The following TNS1 variants were observed in gnomAD, a reference collection of about 807,000 sequenced individuals.
TNS1 encodes tensin-1.
In TNS1, 62 loss-of-function variants were observed where a neutral mutation model predicts 168.6. The observed-to-expected ratio is 0.37, with a 90% confidence interval of 0.30 to 0.45. The LOEUF is 0.45. Among genes scored for constraint, TNS1 ranks in the 20% least tolerant of loss-of-function variants. The pLI is 1.00. For synonymous variants in TNS1, 934 were observed against 933.2 expected (o/e 1.00, Z -0.02); for missense variants, 2,240 against 2,339.4 (o/e 0.96, Z 0.88).
intron 3 of TNS1, among the ~76,000 whole-genome samples, chr2:217,941,782 C>G (rs1030081822): frequency 1.3e-5 from 2 of 152,226 alleles, no homozygotes; most frequent in African/African-American, 4.8e-5. Context: ...AGCCCATCCT[C>G]CTGCTGACCC....
chr2:217,972,823 A>G (rs922257491), intron 3 of TNS1, among the ~76,000 whole-genome samples: 1 of 152,242 alleles, frequency 6.6e-6, no homozygotes, highest in East Asian at 1.9e-4. Flanking sequence ...AGCATTTTTC[A>G]AAATGTATCC....
chr2:217,925,582 G>C (rs1047961374), intron 3 of TNS1, among the ~76,000 whole-genome samples: 2 of 152,188 alleles, frequency 1.3e-5, no homozygotes, highest in African/African-American at 4.8e-5. Context: ...TTTCATATAA[G>C]ACTGAGTGGA....
chr2:217,925,700 A>T (rs563992260), intron 3 of TNS1, among the ~76,000 whole-genome samples: 15 of 152,356 alleles, frequency 9.8e-5, no homozygotes, highest in African/African-American at 3.6e-4. Context: ...ATTCGGTGGC[A>T]TTAAGTACAT....
At chr2:217,837,201 G>C (rs1945287310) in intron 19 of TNS1, among the ~76,000 whole-genome samples, 1 of 151,976 alleles carries the variant, frequency 6.6e-6, no homozygotes, top group Admixed American at 6.5e-5. Context: ...AGGTCACATG[G>C]GTCAGCGTGT....
chr2:217,999,482 T>C (rs1663486084), intron 1 of TNS1, among the ~76,000 whole-genome samples: 1 of 152,230 alleles, frequency 6.6e-6, no homozygotes, highest in Admixed American at 6.5e-5. Flanking sequence ...TCGGCCAGCA[T>C]GCTACACTTC....
chr2:217,900,510 GC>G lies in TNS1; in HGVS notation c.323del (p.Gly108AlafsTer19), dbSNP rs1401177103. 6.5e-7 allele frequency: 1 copy of G among 1,535,696 alleles called. No individual in the cohort carries two copies. Among genetic ancestry groups the G allele is most frequent in the Non-Finnish European group, 8.7e-7 (1 of 1,146,716 alleles). Reference sequence around the variant, plus strand: ...GGACACTCGGGGTGACCCTGGTGGAGCCCTGGGAAGGAGAGAAGAGAAGCAG... The same window carrying G: ...GGACACTCGGGGTGACCCTGGTGGAGCCTGGGAAGGAGAGAAGAGAAGCAG... Reference protein sequence around the residue: ...GNTRKSLEDNGSTRVTPSVQP... With the variant: ...GNTRKSLEDNXSTRVTPSVQP... On this transcript the variant is annotated frameshift_variant and splice_region_variant, in exon 7 of 33. Transcript: ENST00000682258. LOFTEE classifies it high-confidence loss of function.
chr2:217,882,427 GA>G lies in TNS1; in HGVS notation c.1247-17del. The G allele has an allele frequency of 6.4e-7, 1 of 1,573,166 alleles. No homozygotes were observed. The highest frequency in any genetic ancestry group is 8.6e-7 in the Non-Finnish European group (1 of 1,163,554). ...AATCGATCATCTGGAAAAAGAGAAG[GA>G]AAAATAAAAATAGGCAAAAAGTCCC... On this transcript the variant is annotated splice_polypyrimidine_tract_variant and intron_variant, in intron 16 of 32. Transcript: ENST00000682258.
Position 217,850,621 on chromosome 2 carries a change from ACACGCACG to A in TNS1, c.1430-1542_1430-1535del, listed in dbSNP as rs1190187915. 1.1e-4 allele frequency: 100 copies of A among 901,346 alleles called. No individual in the cohort carries two copies. The African/African-American group carries it at 1.7e-3, about 15-fold the overall frequency. 55.8% of individuals were successfully genotyped at this position (901,346 alleles called of 1,614,324 possible). ...CACACACACACACACACACACACAC[ACACGCACG>A]CACGCACCTCCCCTTACTCTAATCC... On this transcript the variant is annotated intron_variant, in intron 18 of 32. Coordinates refer to ENST00000682258, the MANE Select transcript of TNS1 (RefSeq NM_001387777.1).
At chr2:217,957,355 A>G (rs1408649844) in intron 3 of TNS1, among the ~76,000 whole-genome samples, 2 of 152,082 alleles carry the variant, frequency 1.3e-5, no homozygotes, top group African/African-American at 2.4e-5. Flanking sequence ...CTGCATACAC[A>G]CCCAGCCCCT....
At chr2:217,906,281 TC>T (rs1308773166) in intron 6 of TNS1, 53 bp downstream of exon 6, 1 of 590,782 alleles carries the variant, frequency 1.7e-6, no homozygotes, top group Non-Finnish European at 3.2e-6. Context: ...CCCACCCCAT[TC>T]CCCCTGGCCA....
intron 22 of TNS1, chr2:217,830,524 A>T (rs866251976): frequency 9.6e-7 from 1 of 1,046,708 alleles, no homozygotes. Context: ...CCTCCACCAT[A>T]AGAAGGAGAG....
At chr2:217,850,036 C>A (rs1574803551) in intron 18 of TNS1, 2 of 985,458 alleles carry the variant, frequency 2.0e-6, no homozygotes, top group Middle Eastern at 5.2e-4. Flanking sequence ...CCCAGCTCCT[C>A]CCCAGCACTG....
Position 217,818,333 on chromosome 2 carries a change from A to T in TNS1, c.3999T>A (p.Thr1333=). 6.2e-7 allele frequency: 1 copy of T among 1,614,116 alleles called. No individual in the cohort carries two copies. The part of the protein sequence containing the change: ...GPPGTGFHGS[T]VSSPQSSAAT... The stretch of plus-strand genomic sequence containing the variant: ...CTGCACTGCTCTGGGGGCTGGAGAC[A>T]GTGCTACCATGGAAGCCAGTGCCTG... Residue 1333 remains threonine, a synonymous_variant, in exon 24 of 33, where the codon ACT becomes ACA. Coordinates refer to ENST00000682258, the MANE Select transcript of TNS1 (RefSeq NM_001387777.1).
intron 1 of TNS1, among the ~76,000 whole-genome samples, chr2:218,023,012 A>AC (rs1170969570): frequency 2.0e-5 from 3 of 152,216 alleles, no homozygotes; most frequent in Non-Finnish European, 4.4e-5. Context: ...CACTCCCCTC[A>AC]CGTGGCCTCA....
intron 12 of TNS1, among the ~76,000 whole-genome samples, chr2:217,887,308 T>G (rs918814134): frequency 2.0e-5 from 3 of 152,214 alleles, no homozygotes; most frequent in Non-Finnish European, 4.4e-5. Flanking sequence ...CCAATTTTTT[T>G]GTTTTGTTTT....
chr2:217,939,813 C>G (rs529527502), intron 3 of TNS1, among the ~76,000 whole-genome samples: 66 of 152,238 alleles, frequency 4.3e-4, no homozygotes, highest in Non-Finnish European at 7.1e-4. Context: ...CCACCCACCA[C>G]CCCTCCCACA....
chr2:218,026,454 C>G (rs1958850336), intron 1 of TNS1, among the ~76,000 whole-genome samples: 2 of 152,146 alleles, frequency 1.3e-5, no homozygotes, highest in Non-Finnish European at 2.9e-5. Context: ...AGAAAGGAGG[C>G]AGACAGGAGA....
intron 4 of TNS1, among the ~76,000 whole-genome samples, chr2:217,918,226 G>T (rs76263243): frequency 1.3e-5 from 2 of 152,214 alleles, no homozygotes; most frequent in East Asian, 1.9e-4. Context: ...CGTCACTAAC[G>T]TCCATTATGA....
intron 1 of TNS1, among the ~76,000 whole-genome samples, chr2:218,008,579 G>A (rs1370858603): frequency 6.6e-6 from 1 of 152,234 alleles, no homozygotes; most frequent in Non-Finnish European, 1.5e-5. Flanking sequence ...CTGCCTCTCA[G>A]CCAATCCCTG....
Sources: allele counts gnomAD v4.1 joint callset (sites outside exome capture counted in the v4.1 genomes callset), GRCh38; gene constraint gnomAD v4.1.1; transcripts MANE v1.5; gene names NCBI Gene and HGNC (gene_info 2026-07-23, HGNC 2026-07-21).